Variants in CACNA1B observed in about 807,000 individuals in gnomAD.
CACNA1B encodes the protein calcium voltage-gated channel subunit alpha1 B, also known as voltage-dependent N-type calcium channel subunit alpha-1B.
In CACNA1B, 70 loss-of-function variants were observed where a neutral mutation model predicts 247.2. That is an observed-to-expected ratio of 0.28 (90% confidence interval 0.23 to 0.35). The LOEUF (loss-of-function observed/expected upper bound fraction) is 0.35, where lower values mean the gene tolerates loss of function less well. CACNA1B is among the 10% of genes least tolerant of loss of function. CACNA1B has a pLI of 1.00. For missense variants in CACNA1B, 2,367 were observed against 3,197.4 expected (o/e 0.74, Z 6.26); for synonymous variants, 1,231 against 1,294.4 (o/e 0.95, Z 1.05).
At position 138,044,818 on chromosome 9, in the gene CACNA1B, C is replaced by T. The variant is rs529196396; in HGVS notation, c.3413+918C>T. ...CTTTCTACCAAGCCCTGCATTACCC[C>T]GCTCCCTGCCTCCTCCCCCCAGTCA... is the stretch of plus-strand genomic sequence containing the variant. On this transcript the variant is annotated intron_variant, in intron 21 of 46. Transcript: ENST00000371372. Among the ~76,000 whole-genome samples, 12 of 152,240 alleles carry T rather than the reference C, an allele frequency of 7.9e-5. No individual in the cohort carries two copies. In the South Asian group the frequency reaches 2.1e-3, roughly 26 times the overall value.
intron 5 of CACNA1B, among the ~76,000 whole-genome samples, chr9:137,916,723 G>A (rs935274927): frequency 2.6e-5 from 4 of 151,898 alleles, no homozygotes; most frequent in South Asian, 2.1e-4. Context: ...GGTACAGTCA[G>A]CGTGGCAGTT....
At chr9:138,105,985 C>T (rs1961411491) in intron 39 of CACNA1B, among the ~76,000 whole-genome samples, 178 bp downstream of exon 39, 1 of 152,168 alleles carries the variant, frequency 6.6e-6, no homozygotes, top group Admixed American at 6.5e-5. Context: ...CGCCTGGTAA[C>T]CGTCTGCACA....
intron 15 of CACNA1B, among the ~76,000 whole-genome samples, chr9:138,005,764 C>T (rs1958639290): frequency 6.6e-6 from 1 of 152,146 alleles, no homozygotes; most frequent in South Asian, 2.1e-4. Context: ...TAAAAAACGG[C>T]AGGGTGTGGC....
intron 35 of CACNA1B, among the ~76,000 whole-genome samples, chr9:138,076,947 A>T (rs181551523): frequency 1.7e-4 from 26 of 152,240 alleles, no homozygotes; most frequent in Non-Finnish European, 2.6e-4. Flanking sequence ...TCCCCAGATG[A>T]TGTTGTTTGG....
intron 36 of CACNA1B, among the ~76,000 whole-genome samples, chr9:138,078,945 G>A (rs563180924): frequency 2.8e-4 from 42 of 152,316 alleles, no homozygotes; most frequent in African/African-American, 9.9e-4. Flanking sequence ...TGGGAGTACT[G>A]GGGAGCTGAG....
intron 6 of CACNA1B, among the ~76,000 whole-genome samples, chr9:137,921,938 GA>G (rs1957488167): frequency 7.0e-6 from 1 of 142,068 alleles, no homozygotes; most frequent in African/African-American, 2.7e-5. Flanking sequence ...TCAGCACCAC[GA>G]CCGCACAGCA....
intron 46 of CACNA1B, 29 bp downstream of exon 46, chr9:138,120,910 C>T: frequency 6.5e-7 from 1 of 1,539,506 alleles, no homozygotes; most frequent in Non-Finnish European, 8.7e-7. Context: ...GAGGTCAGGG[C>T]CCAGCTGCCT....
intron 6 of CACNA1B, among the ~76,000 whole-genome samples, chr9:137,935,036 G>T (rs1029653860): frequency 1.3e-5 from 2 of 152,182 alleles, no homozygotes; most frequent in African/African-American, 2.4e-5. Context: ...TAATCAGAAG[G>T]CACCAGAGAA....
intron 3 of CACNA1B, among the ~76,000 whole-genome samples, chr9:137,903,886 G>A (rs1588994658): frequency 6.6e-6 from 1 of 152,162 alleles, no homozygotes; most frequent in East Asian, 1.9e-4. Context: ...GGCTGTCCCT[G>A]TCTGGTGTCA....
Position 137,944,565 on chromosome 9 carries a change from C to A in CACNA1B, c.967-7709C>A, listed in dbSNP as rs777996766. ...GGCGGGCAGCCTCAAAGATTTGTTT[C>A]TTTTCCAAGGGGCTGCAATAGGTTG... is the stretch of plus-strand genomic sequence containing the variant. On this transcript the variant is annotated intron_variant, in intron 6 of 46. Transcript: ENST00000371372. 3.9e-4 allele frequency among the ~76,000 whole-genome samples: 59 copies of A among 152,152 alleles called. 2 individuals are homozygous for A. Among genetic ancestry groups the A allele is most frequent in the African/African-American group, 1.3e-3 (54 of 41,424 alleles).
Position 138,121,977 on chromosome 9 carries a change from C to G in CACNA1B, c.6998C>G (p.Pro2333Arg), listed in dbSNP as rs781499435. Residue 2333 changes from proline (P) to arginine (R), a missense_variant, in exon 47 of 47, where the codon CCT (proline) becomes CGT (arginine). Around this residue, in one of 12 missense-constraint regions of CACNA1B, gnomAD observed 773 missense variants for 779.4 expected, o/e 0.99. Transcript: ENST00000371372. This position sits in a 1 kb window ranked among gnomAD's most constrained non-coding sequence, Gnocchi z 6.8. ...GGRARHSYHHPDQDHWC is the reference protein window; with the variant it reads ...GGRARHSYHHRDQDHWC ...CGAGCACGGCACAGCTACCACCACC[C>G]TGACCAAGACCACTGGTGCTAGCTG... 22 of 1,600,678 alleles carry G rather than the reference C, an allele frequency of 1.4e-5. No homozygotes were observed. Among genetic ancestry groups the G allele is most frequent in the Non-Finnish European group, 1.5e-5 (18 of 1,179,572 alleles).
intron 36 of CACNA1B, among the ~76,000 whole-genome samples, chr9:138,088,214 T>C (rs1464924795): frequency 6.6e-6 from 1 of 151,402 alleles, no homozygotes; most frequent in Admixed American, 6.6e-5. Context: ...ACTAAAAGTA[T>C]AAAAATTAGC....
At chr9:137,978,089 T>C (rs1473493626) in intron 12 of CACNA1B, among the ~76,000 whole-genome samples, 98 of 59,730 alleles carry the variant, frequency 1.6e-3, no homozygotes, top group South Asian at 3.1e-3. Context: ...AGCACTGCCC[T>C]CCCCCAGGAA....
chr9:138,052,255 T>G lies in CACNA1B; in HGVS notation c.3807+67T>G. 2.4e-6 allele frequency: 2 copies of G among 829,552 alleles called. No homozygotes were observed. Among genetic ancestry groups the G allele is most frequent in the Admixed American group, 2.0e-5 (1 of 50,084 alleles). 51.4% of individuals were successfully genotyped at this position (829,552 alleles called of 1,614,324 possible). On this transcript the variant is annotated intron_variant, in intron 25 of 46. Transcript: ENST00000371372. This position sits in a 1 kb window ranked among gnomAD's most constrained non-coding sequence, Gnocchi z 5.1. ...GTGTGCGTGTGTGTGTGTGCGTGTG[T>G]GTGTGTGTATGCATGCAGTGCATGA...
intron 39 of CACNA1B, among the ~76,000 whole-genome samples, chr9:138,107,879 G>A (rs1961486883): frequency 6.6e-6 from 1 of 152,008 alleles, no homozygotes; most frequent in Admixed American, 6.6e-5. Flanking sequence ...CAGCTACTCG[G>A]GAGGCTGAGG....
At chr9:137,937,011 T>G (rs1957676335) in intron 6 of CACNA1B, among the ~76,000 whole-genome samples, 1 of 152,240 alleles carries the variant, frequency 6.6e-6, no homozygotes. Context: ...TTTCCAATTC[T>G]GTGGAGAAAG....
At chr9:137,965,832 C>T (rs1589037444) in intron 10 of CACNA1B, among the ~76,000 whole-genome samples, 3 of 152,210 alleles carry the variant, frequency 2.0e-5, no homozygotes, top group Admixed American at 6.5e-5. Context: ...ATCCGCCCGC[C>T]TTGGCCTCCC....
At chr9:138,019,989 C>T (rs966581927) in intron 18 of CACNA1B, among the ~76,000 whole-genome samples, 9 of 150,126 alleles carry the variant, frequency 6.0e-5, no homozygotes, top group Non-Finnish European at 1.2e-4. Flanking sequence ...CCCAGCTACT[C>T]GGTAGGCTGA....
chr9:138,108,860 A>G (rs1658559103), intron 39 of CACNA1B, among the ~76,000 whole-genome samples: 3 of 152,226 alleles, frequency 2.0e-5, no homozygotes, highest in African/African-American at 7.2e-5. Context: ...CGTGTTAGCC[A>G]GGATGGTCTC....
Sources: allele counts gnomAD v4.1 joint callset (sites outside exome capture counted in the v4.1 genomes callset), GRCh38; gene constraint gnomAD v4.1.1; regional missense constraint gnomAD v4.1.1; non-coding constraint Gnocchi (gnomAD v3.1); transcripts MANE v1.5; gene names NCBI Gene and HGNC (gene_info 2026-07-23, HGNC 2026-07-21).